Variants in MICAL2 observed in about 807,000 individuals in gnomAD.
MICAL2 encodes [F-actin]-monooxygenase MICAL2.
A neutral mutation model predicts 127.3 loss-of-function variants in MICAL2; 77 were observed. The observed-to-expected ratio is 0.60, with a 90% CI of 0.50 to 0.73. The LOEUF (loss-of-function observed/expected upper bound fraction) is 0.73, where lower values mean the gene tolerates loss of function less well. MICAL2 is among the 30% of genes least tolerant of loss of function. MICAL2 has a pLI of 0.00. For synonymous variants in MICAL2, 570 were observed against 551.1 expected (o/e 1.03, Z -0.48); for missense variants, 1,351 against 1,434.4 (o/e 0.94, Z 0.94).
chr11:12,349,830 T>C, intron 32 of MICAL2: 2 of 1,613,900 alleles, frequency 1.2e-6, no homozygotes, highest in Non-Finnish European at 1.7e-6. Flanking sequence ...TGTTGATTTC[T>C]TAAGCAGATT....
chr11:12,331,036 T>C (rs551365977), intron 32 of MICAL2, among the ~76,000 whole-genome samples: 1 of 152,154 alleles, frequency 6.6e-6, no homozygotes, highest in African/African-American at 2.4e-5. Flanking sequence ...AGTAACCTGA[T>C]TCCTGGGGGC....
chr11:12,357,793 A>G (rs1939150728), intron 34 of MICAL2, among the ~76,000 whole-genome samples: 1 of 152,130 alleles, frequency 6.6e-6, no homozygotes, highest in Non-Finnish European at 1.5e-5. Flanking sequence ...AGCCAAGATC[A>G]TGCCACTGCA....
chr11:12,339,125 C>G lies in MICAL2; in HGVS notation c.5516-10713C>G, dbSNP rs151044296. Among the ~76,000 whole-genome samples the G allele has an allele frequency of 1.6e-3, 246 of 152,308 alleles. 2 individuals are homozygous for G. Among genetic ancestry groups the G allele is most frequent in the Admixed American group, 4.1e-3 (62 of 15,302 alleles). On this transcript the variant is annotated intron_variant, in intron 32 of 34. Transcript: ENST00000646065. ...CGTAGATTTGGTCTTTTCACATAGT[C>G]CCATATTTCTTGGAGGCTTTGTTCA...
intron 2 of MICAL2, among the ~76,000 whole-genome samples, chr11:12,138,727 C>T (rs1053240731): frequency 2.0e-5 from 3 of 152,198 alleles, no homozygotes; most frequent in East Asian, 1.9e-4. Flanking sequence ...ACCAGACTCC[C>T]GCCTTCCTGT....
Position 12,342,075 on chromosome 11 carries a change from A to G in MICAL2, c.5516-7763A>G, listed in dbSNP as rs1310002774. On this transcript the variant is annotated intron_variant, in intron 32 of 34. Coordinates refer to the MICAL2 transcript ENST00000646065. ...ACTTACATTTCGCACAGGAAAAGGC[A>G]TGAGATGAGGACACAGGAGCAATTG... Among the ~76,000 whole-genome samples the G allele has an allele frequency of 3.3e-5, 5 of 152,356 alleles. No homozygotes were observed. In the East Asian group the frequency reaches 5.8e-4, roughly 18 times the overall value.
chr11:12,354,233 T>C (rs937707644), intron 33 of MICAL2, among the ~76,000 whole-genome samples: 1 of 152,176 alleles, frequency 6.6e-6, no homozygotes, highest in Non-Finnish European at 1.5e-5. Context: ...TGCCAGCACT[T>C]TGGGAGGCCA....
chr11:12,220,080 T>C, intron 8 of MICAL2, 121 bp from the exon 9 acceptor site: 1 of 1,175,032 alleles, frequency 8.5e-7, no homozygotes. Context: ...CTGGTTTTTA[T>C]ATGTCTTTTC....
intron 1 of MICAL2, among the ~76,000 whole-genome samples, chr11:12,132,822 C>T (rs1052998217): frequency 6.6e-6 from 1 of 152,246 alleles, no homozygotes; most frequent in Non-Finnish European, 1.5e-5. Flanking sequence ...CTAGAAGCTA[C>T]CACTTCCATC....
In MICAL2 at chr11:12,262,179, CCGCAA is replaced by C. The variant is rs1267272757; in HGVS notation, c.3335-299_3335-295del. The C allele has an allele frequency of 6.3e-6, 8 of 1,275,384 alleles. No homozygotes were observed. In the African/African-American group the frequency reaches 1.2e-4, roughly 19 times the overall value. The allele number at this position is 1,275,384 out of a possible 1,614,324, so 79.0% of individuals were successfully genotyped here. On this transcript the variant is annotated intron_variant, in intron 26 of 27. Coordinates refer to ENST00000683283, the MANE Select transcript of MICAL2 (RefSeq NM_001282663.2). Reference sequence around the variant, plus strand: ...CCCGAGGATGAATGCCTCTAGGCCTCCGCAACATATTCAAGAATGAATGGGAGACG... The same window carrying C: ...CCCGAGGATGAATGCCTCTAGGCCTCCATATTCAAGAATGAATGGGAGACG...
At chr11:12,178,973 G>T (rs1857140355) in intron 3 of MICAL2, among the ~76,000 whole-genome samples, 1 of 152,222 alleles carries the variant, frequency 6.6e-6, no homozygotes, top group East Asian at 1.9e-4. Flanking sequence ...TCAGGGACTG[G>T]CTGATTTCTT....
chr11:12,294,672 C>T (rs1555018638), downstream of MICAL2: 1 of 1,614,162 alleles, frequency 6.2e-7, no homozygotes, highest in Non-Finnish European at 8.5e-7. Flanking sequence ...CTCCAAGAAT[C>T]CAGACAAAGA....
At position 12,226,173 on chromosome 11, in the gene MICAL2, A is replaced by G. The variant is rs751056511; in HGVS notation, c.1691A>G (p.Asn564Ser). ...IIHRFRPELI[N>S]FDSLNEDDAV... ...TCTGCTTTGTTTTGATTCTCTAGCA[A>G]CTTTGACTCTTTGAATGAAGATGAT... Residue 564 changes from asparagine to serine, a missense_variant and splice_region_variant, in exon 14 of 28, where the codon AAC becomes AGC. This residue lies in a region of MICAL2 where 752 missense variants were observed against 719.4 expected (regional missense o/e 1.05). Coordinates refer to ENST00000683283, the MANE Select transcript of MICAL2 (RefSeq NM_001282663.2). 4 of 1,614,146 alleles carry G rather than the reference A, an allele frequency of 2.5e-6. No homozygotes were observed. The South Asian group carries it at 3.3e-5, about 13-fold the overall frequency.
chr11:12,319,615 G>A, intron 29 of MICAL2: 3 of 1,000,096 alleles, frequency 3.0e-6, no homozygotes, highest in African/African-American at 1.6e-5. Context: ...GAGTAAGTGG[G>A]GGAGGAGGAA....
Position 12,209,580 on chromosome 11 carries a change from C to T in MICAL2, c.673C>T (p.Arg225Cys), listed in dbSNP as rs1234888584. The T allele has an allele frequency of 6.2e-6, 10 of 1,613,590 alleles. No homozygotes were observed. Among genetic ancestry groups the T allele is most frequent in the Admixed American group, 3.3e-5 (2 of 59,988 alleles). The change falls in exon 6 of 28, where the codon CGC (arginine) becomes TGC (cysteine). Residue 225 changes from arginine to cysteine, a missense_variant. Arg to Cys is a radical substitution (Grantham distance 180). Transcript: ENST00000683283. Reference protein sequence around the residue: ...EFDVIIGADGRRNTLEGFRRK... With the variant: ...EFDVIIGADGCRNTLEGFRRK... ...TGACGTCATCATTGGTGCCGATGGC[C>T]GCAGGAACACCCTGGAAGGTGAAGA...
intron 29 of MICAL2, among the ~76,000 whole-genome samples, chr11:12,300,223 G>A (rs148327939): frequency 1.2e-3 from 187 of 152,258 alleles, no homozygotes; most frequent in African/African-American, 4.0e-3. Context: ...GAACCCAGGA[G>A]GCACAGTTTG....
At chr11:12,287,706 G>A (rs1360053221), downstream of MICAL2, among the ~76,000 whole-genome samples, 1 of 152,218 alleles carries the variant, frequency 6.6e-6, no homozygotes, top group Admixed American at 6.5e-5. Flanking sequence ...TCCTGGGGAA[G>A]AGCAGGGCTG....
chr11:12,345,116 C>CAAAAAAAAAA (rs796748173), intron 32 of MICAL2, among the ~76,000 whole-genome samples: 10 of 110,566 alleles, frequency 9.0e-5, no homozygotes, highest in African/African-American at 3.5e-4. Context: ...GAATCCATCT[C>CAAAAAAAAAA]AAAAAAAAAA....
intron 3 of MICAL2, among the ~76,000 whole-genome samples, chr11:12,164,981 CA>C (rs956949944): frequency 1.1e-4 from 16 of 151,232 alleles, no homozygotes; most frequent in African/African-American, 3.4e-4. Context: ...CTAAAAAATA[CA>C]AAAAAAATTA....
intron 3 of MICAL2, among the ~76,000 whole-genome samples, chr11:12,177,847 T>A (rs1857000462): frequency 6.6e-6 from 1 of 152,340 alleles, no homozygotes; most frequent in South Asian, 2.1e-4. Flanking sequence ...GTCACCCTCA[T>A]GAAGATGACT....
Sources: allele counts gnomAD v4.1 joint callset (sites outside exome capture counted in the v4.1 genomes callset), GRCh38; gene constraint gnomAD v4.1.1; regional missense constraint gnomAD v4.1.1; transcripts MANE v1.5; gene names NCBI Gene and HGNC (gene_info 2026-07-23, HGNC 2026-07-21).